GLI1: variants seen among roughly 807,000 people sequenced by gnomAD.
The protein encoded by GLI1 is GLI family zinc finger 1.
GLI1 carries 51 observed loss-of-function variants against 87.8 expected under a neutral mutation model. The ratio of observed to expected loss-of-function variants is 0.58; its 90% CI spans 0.46 to 0.73. The LOEUF is 0.73. Ranked by LOEUF, GLI1 falls within the 30% of genes least tolerant of loss-of-function variation. The pLI is 0.00. For synonymous variants in GLI1, 528 were observed against 558.2 expected, an observed-to-expected ratio of 0.95 and a Z score of 0.76; for missense variants, 1,292 against 1,437.2, an observed-to-expected ratio of 0.90 and a Z score of 1.63.
chr12:57,468,691 G>A (rs1002279217), intron 10 of GLI1, among the ~76,000 whole-genome samples: 1 of 151,764 alleles, frequency 6.6e-6, no homozygotes, highest in Non-Finnish European at 1.5e-5. Flanking sequence ...CAAACTCCTG[G>A]CCTTGAGCGA....
chr12:57,460,039 G>A lies in GLI1; in HGVS notation c.-190G>A, dbSNP rs916235282. ...CGCGGGTGGTCCGGGCTTGCGGCCC[G>A]GCGGGCTGGGCCGGCGGGAGGGCTG... On this transcript the variant is annotated 5_prime_UTR_variant, in exon 1 of 12. Coordinates refer to ENST00000228682, the MANE Select transcript of GLI1 (RefSeq NM_005269.3). 1.3e-5 allele frequency: 2 copies of A among 151,080 alleles called. No individual in the cohort carries two copies. The highest frequency in any genetic ancestry group is 3.0e-5 in the Non-Finnish European group (2 of 67,632). The allele number at this position is 151,080 out of a possible 1,614,324, so 9.4% of individuals were successfully genotyped here.
chr12:57,467,646 C>T (rs1871586455), intron 9 of GLI1, 149 bp downstream of exon 9: 3 of 675,368 alleles, frequency 4.4e-6, no homozygotes, highest in Non-Finnish European at 7.5e-6. Flanking sequence ...TTTCTGAAAC[C>T]CAGAATTTCC....
At position 57,464,664 on chromosome 12, in the gene GLI1, C is replaced by T; in HGVS notation, c.194-9C>T. On this transcript the variant is annotated splice_polypyrimidine_tract_variant and intron_variant, in intron 3 of 11. Transcript: ENST00000228682. ...TTACCATATCCGTCTCCGCTGTCTC[C>T]TGCCCCAGGCCCACTCTTTTCTTCT... 1 of 1,611,326 alleles carries T rather than the reference C, an allele frequency of 6.2e-7. No homozygotes were observed. The highest frequency in any genetic ancestry group is 8.5e-7 in the Non-Finnish European group (1 of 1,177,694).
intron 8 of GLI1, 142 bp from the exon 9 acceptor site, chr12:57,467,191 G>C: frequency 1.6e-6 from 1 of 623,122 alleles, no homozygotes; most frequent in Non-Finnish European, 2.7e-6. Flanking sequence ...TTGTCCCCTA[G>C]TTTTGGGAAT....
At position 57,468,086 on chromosome 12, in the gene GLI1, C is replaced by T. The variant is rs761285829; in HGVS notation, c.1170C>T (p.Asp390=). 34 of 1,613,928 alleles carry T rather than the reference C, an allele frequency of 2.1e-5. No individual in the cohort carries two copies. The highest frequency in any genetic ancestry group is 2.7e-5 in the African/African-American group (2 of 74,934). ...ATGTCAAGACAGTGCATGGTCCTGA[C>T]GCCCATGTGACCAAACGGCACCGTG... is the stretch of plus-strand genomic sequence containing the variant. ...RKHVKTVHGP[D]AHVTKRHRGD... The change falls in exon 10 of 12, where the codon GAC becomes GAT. Residue 390 remains aspartate (D), a synonymous_variant. Coordinates refer to ENST00000228682, the MANE Select transcript of GLI1 (RefSeq NM_005269.3).
rs765626709 is a variant in GLI1, at chr12:57,471,820, C to T, written c.3080C>T (p.Pro1027Leu). Residue 1027 changes from proline (P) to leucine (L), a missense_variant, in exon 12 of 12, where the codon CCT becomes CTT. Pro to Leu is a moderately conservative substitution (Grantham distance 98, BLOSUM62 -3). Around this residue, in one of 3 missense-constraint regions of GLI1, gnomAD observed 897 missense variants for 1,040.7 expected, o/e 0.86. Transcript: ENST00000228682. The surrounding 1 kb of genome is among the most constrained non-coding windows in gnomAD (Gnocchi z 4.9). ...GRLGGGPALY[P>L]PPEGQVCNPL... is the part of the protein sequence containing the mutation. The stretch of plus-strand genomic sequence containing the variant: ...CTAGGAGGGGGTCCTGCCTTGTACC[C>T]TCCTCCCGAAGGACAGGTATGTAAC... The T allele has an allele frequency of 2.9e-5, 46 of 1,564,070 alleles. No individual in the cohort carries two copies. The highest frequency in any genetic ancestry group is 3.8e-5 in the Non-Finnish European group (44 of 1,154,996).
At position 57,464,885 on chromosome 12, in the gene GLI1, G is replaced by A; in HGVS notation, c.389+17G>A. 1 of 1,587,232 alleles carries A rather than the reference G, an allele frequency of 6.3e-7. No individual in the cohort carries two copies. The highest frequency in any genetic ancestry group is 1.7e-4 in the Middle Eastern group (1 of 5,998). On this transcript the variant is annotated intron_variant, in intron 4 of 11. Transcript: ENST00000228682. ...CACCATGAGGTGCAGTCAGCCCCGG[G>A]CCAAGAGGCCCCTAAAGCCCCTACC...
intron 5 of GLI1, 145 bp downstream of exon 5, chr12:57,465,400 C>A: frequency 2.5e-6 from 2 of 795,796 alleles, no homozygotes; most frequent in Non-Finnish European, 2.0e-6. Context: ...GGGGTTCACT[C>A]CTTGCAGTTG....
chr12:57,461,496 T>C (rs1461407074), intron 1 of GLI1, among the ~76,000 whole-genome samples: 1 of 152,178 alleles, frequency 6.6e-6, no homozygotes, highest in Non-Finnish European at 1.5e-5. Flanking sequence ...ACCCAGTCAC[T>C]TTCTCTGCTT....
At chr12:57,461,425 A>T (rs2139845774) in intron 1 of GLI1, among the ~76,000 whole-genome samples, 1 of 151,990 alleles carries the variant, frequency 6.6e-6, no homozygotes, top group South Asian at 2.1e-4. Context: ...GCCGGCTGCT[A>T]TAACCAGCAA....
chr12:57,465,703 G>T lies in GLI1; in HGVS notation c.624+7G>T, dbSNP rs576644827. On this transcript the variant is annotated splice_region_variant and intron_variant, in intron 6 of 11. Coordinates refer to ENST00000228682, the MANE Select transcript of GLI1 (RefSeq NM_005269.3). Reference sequence around the variant, plus strand: ...CAACTCCACAGGCATACAGGTAAGGGGATGGGCAGGAGCTTTACCTCTGGG... The same window carrying T: ...CAACTCCACAGGCATACAGGTAAGGTGATGGGCAGGAGCTTTACCTCTGGG... 1.9e-6 allele frequency: 3 copies of T among 1,613,546 alleles called. No homozygotes were observed. The East Asian group carries it at 6.7e-5, about 36-fold the overall frequency.
rs1871006442 is a variant in GLI1 at position 57,459,829 on chromosome 12, G to A, written c.-400G>A. On this transcript the variant is annotated 5_prime_UTR_variant, in exon 1 of 12. Transcript: ENST00000228682. The stretch of plus-strand genomic sequence containing the variant: ...TCAAGGGAGGGGGAGGATCCTGGGG[G>A]TCCTGGGGGTGCAATAAGCCCGGCA... 6.7e-6 allele frequency among the ~76,000 whole-genome samples: 1 copy of A among 150,366 alleles called. No individual in the cohort carries two copies. The highest frequency in any genetic ancestry group is 1.5e-5 in the Non-Finnish European group (1 of 67,568).
intron 10 of GLI1, among the ~76,000 whole-genome samples, chr12:57,468,840 C>T (rs934126327): frequency 3.9e-5 from 6 of 152,058 alleles, no homozygotes; most frequent in Non-Finnish European, 5.9e-5. Context: ...CTGCAACCTC[C>T]GCCTCCCAGG....
chr12:57,460,360 A>C (rs1023294716), intron 1 of GLI1, 159 bp downstream of exon 1: 12 of 152,154 alleles, frequency 7.9e-5, no homozygotes, highest in Non-Finnish European at 1.8e-4. Flanking sequence ...CAGATTTTTC[A>C]CTTGTGTCTT....
Position 57,469,353 on chromosome 12 carries a change from G to A in GLI1, c.1309-78G>A, listed in dbSNP as rs564617838. On this transcript the variant is annotated intron_variant, in intron 10 of 11. Coordinates refer to ENST00000228682, the MANE Select transcript of GLI1 (RefSeq NM_005269.3). Reference sequence around the variant, plus strand: ...TCCTTGGAACCCCAGCAGTCACTGGGACACAGGCTTCAGCCACTCATCAAG... The same window carrying A: ...TCCTTGGAACCCCAGCAGTCACTGGAACACAGGCTTCAGCCACTCATCAAG... 120 of 1,452,784 alleles carry A rather than the reference G, an allele frequency of 8.3e-5. No homozygotes were observed. In the East Asian group the frequency reaches 2.7e-3, roughly 33 times the overall value. The allele number at this position is 1,452,784 out of a possible 1,614,324, so 90.0% of individuals were successfully genotyped here.
intron 11 of GLI1, 37 bp from the exon 12 acceptor site, chr12:57,470,280 C>T (rs751652938): frequency 1.3e-6 from 2 of 1,492,794 alleles, no homozygotes; most frequent in Non-Finnish European, 9.0e-7. Flanking sequence ...TTAGGAAGCT[C>T]CTTGACCATC....
At chr12:57,467,855 G>C (rs951485554) in intron 9 of GLI1, 139 bp from the exon 10 acceptor site, 1 of 633,496 alleles carries the variant, frequency 1.6e-6, no homozygotes, top group South Asian at 1.9e-5. Context: ...GACTCCCACC[G>C]GAGGCCTCCA....
chr12:57,469,317 A>G (rs1271523254), intron 10 of GLI1, 114 bp from the exon 11 acceptor site: 1 of 1,042,386 alleles, frequency 9.6e-7, no homozygotes, highest in Non-Finnish European at 1.4e-6. Flanking sequence ...CCCTTTCTAC[A>G]CTTACAAGCT....
intron 11 of GLI1, 121 bp downstream of exon 11, chr12:57,469,819 C>T (rs936748874): frequency 4.7e-6 from 4 of 857,894 alleles, no homozygotes; most frequent in Non-Finnish European, 7.1e-6. Flanking sequence ...AAAATGGTGT[C>T]CTTCCTCAAG....
Sources: gnomAD v4.1 joint callset for allele counts (sites outside exome capture counted in the v4.1 genomes callset) on GRCh38, gnomAD v4.1.1 for gene constraint, gnomAD v4.1.1 regional missense constraint, Gnocchi (gnomAD v3.1) non-coding constraint, MANE v1.5 for transcripts, NCBI Gene and HGNC (gene_info 2026-07-23, HGNC 2026-07-21) for gene names.